The following UNC93A variants were observed in gnomAD, a reference collection of about 807,000 sequenced individuals.
UNC93A encodes N-acetylglucosamine transporter UNC93A.
Under a neutral mutation model 47.5 loss-of-function variants are expected in UNC93A, and 43 were observed. The ratio of observed to expected loss-of-function variants is 0.91; its 90% CI spans 0.71 to 1.17. The LOEUF (loss-of-function observed/expected upper bound fraction) is 1.17, where lower values mean the gene tolerates loss of function less well. UNC93A is among the 50% of genes most tolerant of loss of function. The probability of loss-of-function intolerance (pLI) is 0.00; values close to 1 mark genes in which losing one functional copy is unlikely to be tolerated. For missense variants in UNC93A, 605 were observed against 577.6 expected (o/e 1.05, Z -0.49); for synonymous variants, 280 against 258.0 (o/e 1.09, Z -0.82).
intron 4 of UNC93A, among the ~76,000 whole-genome samples, chr6:167,299,484 G>T (rs941320281): frequency 5.3e-5 from 8 of 152,204 alleles, no homozygotes; most frequent in Non-Finnish European, 7.3e-5. Context: ...AGTCGACAAA[G>T]TGTACTGAGC....
In UNC93A at chr6:167,298,075, G is replaced by A. The variant is rs1485696958; in HGVS notation, c.625+5G>A. ...CCCTCCTGGGCATCTACACTGGTAC[G>A]AGCTCCATCGGCCCAGGGCAGGGTC... On this transcript the variant is annotated splice_donor_5th_base_variant and intron_variant, in intron 4 of 7. Transcript: ENST00000230256. 1.2e-5 allele frequency: 19 copies of A among 1,613,110 alleles called. No individual in the cohort carries two copies. Among genetic ancestry groups the A allele is most frequent in the African/African-American group, 2.7e-5 (2 of 74,846 alleles).
chr6:167,299,402 C>A (rs1464898728), intron 4 of UNC93A, among the ~76,000 whole-genome samples: 1 of 152,050 alleles, frequency 6.6e-6, no homozygotes, highest in Non-Finnish European at 1.5e-5. Flanking sequence ...ATGTGCGGCA[C>A]CAACCTCAGG....
intron 1 of UNC93A, among the ~76,000 whole-genome samples, chr6:167,274,805 A>C (rs144909744): frequency 6.1e-4 from 93 of 152,300 alleles, no homozygotes; most frequent in Non-Finnish European, 1.1e-3. Flanking sequence ...TAATGAAGTA[A>C]TAATACAGAG....
Position 167,294,532 on chromosome 6 carries a change from G to T in UNC93A, c.103G>T (p.Glu35Ter). ...LQSLQSSLYSEEGLGVTALST... is the reference protein window; with the variant it reads ...LQSLQSSLYS ...GTTCCCACAGAGCAGCCTGTACAGCGAGGAGGGCCTGGGTGTCACAGCGCT... is the reference window on the plus strand; with the variant it reads ...GTTCCCACAGAGCAGCCTGTACAGCTAGGAGGGCCTGGGTGTCACAGCGCT... The change falls in exon 2 of 8, where the codon GAG (glutamate) becomes TAG (stop). Residue 35 changes from glutamate to a stop codon, truncating the protein, a stop_gained. Transcript: ENST00000230256. LOFTEE classifies it high-confidence loss of function. The T allele has an allele frequency of 1.2e-6, 2 of 1,614,050 alleles. No homozygotes were observed. Among genetic ancestry groups the T allele is most frequent in the Non-Finnish European group, 1.7e-6 (2 of 1,179,988 alleles).
chr6:167,280,490 A>T (rs1783614061), intron 1 of UNC93A, among the ~76,000 whole-genome samples: 1 of 152,232 alleles, frequency 6.6e-6, no homozygotes, highest in Non-Finnish European at 1.5e-5. Context: ...GGCTGAGCAC[A>T]TTCACCCAGG....
rs780996114 is a variant in UNC93A, at chr6:167,304,008, G to T, written c.715G>T (p.Val239Leu). 6.8e-6 allele frequency: 11 copies of T among 1,613,850 alleles called. No individual in the cohort carries two copies. In the East Asian group the frequency reaches 2.5e-4, roughly 36 times the overall value. The change falls in exon 5 of 8, where the codon GTA (valine) becomes TTA (leucine). Residue 239 changes from valine to leucine, a missense_variant. Val to Leu is a conservative substitution (Grantham distance 32). Coordinates refer to ENST00000230256, the MANE Select transcript of UNC93A (RefSeq NM_018974.4). Reference sequence around the variant, plus strand: ...GGAAAGTGAAGGAGAGAAGAAATCAGTACCTTTCTGGTCCACTTTACTGTC... The same window carrying T: ...GGAAAGTGAAGGAGAGAAGAAATCATTACCTTTCTGGTCCACTTTACTGTC... ...QRESEGEKKSVPFWSTLLSTF... is the reference protein window; with the variant it reads ...QRESEGEKKSLPFWSTLLSTF...
intron 1 of UNC93A, among the ~76,000 whole-genome samples, chr6:167,282,125 C>G (rs184872864): frequency 1.3e-5 from 2 of 152,244 alleles, no homozygotes; most frequent in East Asian, 1.9e-4. Context: ...GGTGGCTTAT[C>G]GTAGACTTTC....
intron 4 of UNC93A, among the ~76,000 whole-genome samples, chr6:167,300,857 A>C (rs550657722): frequency 6.6e-6 from 1 of 152,136 alleles, no homozygotes; most frequent in African/African-American, 2.4e-5. Context: ...ACCAACAAAG[A>C]CTTCTCCTAT....
At chr6:167,310,565 G>C (rs559041740) in intron 7 of UNC93A, among the ~76,000 whole-genome samples, 2 of 152,356 alleles carry the variant, frequency 1.3e-5, no homozygotes, top group African/African-American at 4.8e-5. Flanking sequence ...TTCTGTACAG[G>C]AAAAAGTAAT....
intron 5 of UNC93A, among the ~76,000 whole-genome samples, chr6:167,305,151 C>A (rs183868514): frequency 4.6e-5 from 7 of 152,180 alleles, no homozygotes; most frequent in African/African-American, 9.7e-5. Context: ...TAAAAAGCAC[C>A]TCAGCAGGTA....
At chr6:167,312,854 C>T (rs1034632522) in intron 7 of UNC93A, among the ~76,000 whole-genome samples, 1 of 152,220 alleles carries the variant, frequency 6.6e-6, no homozygotes, top group African/African-American at 2.4e-5. Context: ...GGAACCAAAT[C>T]TTGAGTAATT....
At chr6:167,295,890 C>T (rs1778072258) in intron 2 of UNC93A, 142 bp from the exon 3 acceptor site, 7 of 700,560 alleles carry the variant, frequency 1.0e-5, no homozygotes, top group Admixed American at 2.6e-5. Flanking sequence ...ATCCATCCAT[C>T]CAACCAGCAA....
upstream of UNC93A, among the ~76,000 whole-genome samples, chr6:167,288,127 G>A (rs1783773124): frequency 6.6e-6 from 1 of 152,208 alleles, no homozygotes; most frequent in Non-Finnish European, 1.5e-5. Context: ...ATGGTGTGAG[G>A]ATGGGAGTAT....
chr6:167,294,428 C>T, intron 1 of UNC93A, 89 bp from the exon 2 acceptor site: 1 of 1,498,216 alleles, frequency 6.7e-7, no homozygotes, highest in South Asian at 1.2e-5. Flanking sequence ...CTGTGGCGGC[C>T]TCCAGCCTGG....
intron 4 of UNC93A, among the ~76,000 whole-genome samples, chr6:167,301,887 T>G (rs1262264193): frequency 6.6e-5 from 10 of 152,134 alleles, no homozygotes. Context: ...CCCTATGGCC[T>G]CCTGTGCAGG....
chr6:167,298,742 T>C (rs1446571657), intron 4 of UNC93A, among the ~76,000 whole-genome samples: 1 of 152,184 alleles, frequency 6.6e-6, no homozygotes, highest in African/African-American at 2.4e-5. Context: ...ACTTCAGTGT[T>C]ATAGTCAAAG....
chr6:167,303,834 A>T, intron 4 of UNC93A, 85 bp from the exon 5 acceptor site: 2 of 1,334,864 alleles, frequency 1.5e-6, no homozygotes, highest in Non-Finnish European at 2.1e-6. Context: ...TCGCGAGAGG[A>T]GGATGAGTGA....
upstream of UNC93A, among the ~76,000 whole-genome samples, chr6:167,286,517 C>G (rs149046236): frequency 3.6e-3 from 549 of 152,322 alleles, 6 homozygotes; most frequent in African/African-American, 0.013. Flanking sequence ...GGTCACGTCA[C>G]CCAGGATGGC....
At chr6:167,273,752 G>A (rs73790133) in intron 1 of UNC93A, among the ~76,000 whole-genome samples, 2,906 of 151,616 alleles carry the variant, frequency 0.019, 98 homozygotes, top group African/African-American at 0.067. Flanking sequence ...CAGGAAGCAG[G>A]GGCTTCCAGA....
Sources: gnomAD v4.1 joint callset for allele counts (sites outside exome capture counted in the v4.1 genomes callset) on GRCh38, gnomAD v4.1.1 for gene constraint, MANE v1.5 for transcripts, NCBI Gene and HGNC (gene_info 2026-07-23, HGNC 2026-07-21) for gene names.